LPIN1: variants seen among roughly 807,000 people sequenced by gnomAD.
The protein encoded by LPIN1 is phosphatidate phosphatase LPIN1.
A neutral mutation model predicts 107.5 loss-of-function variants in LPIN1; 71 were observed. That is an observed-to-expected ratio of 0.66 (90% confidence interval 0.55 to 0.80). LPIN1 has a LOEUF of 0.80. LPIN1 is among the 30% of genes least tolerant of loss of function. The probability of loss-of-function intolerance (pLI) is 0.00; values close to 1 mark genes in which losing one functional copy is unlikely to be tolerated. For missense variants in LPIN1, 1,043 were observed against 1,160.6 expected (o/e 0.90, Z 1.47); for synonymous variants, 445 against 452.6 (o/e 0.98, Z 0.21).
At chr2:11,753,203 G>A (rs1332558560) in intron 1 of LPIN1, among the ~76,000 whole-genome samples, 1 of 100,746 alleles carries the variant, frequency 9.9e-6, no homozygotes, top group African/African-American at 5.0e-5. Context: ...CCTAACACAG[G>A]CAGGGCTTTG....
At chr2:11,804,332 G>A (rs917971525) in intron 15 of LPIN1, 91 bp from the exon 16 acceptor site, 30 of 1,435,192 alleles carry the variant, frequency 2.1e-5, no homozygotes, top group Middle Eastern at 3.5e-4. Flanking sequence ...TTTTAAAGCC[G>A]AATCCTGCTT....
chr2:11,805,139 G>A lies in LPIN1; in HGVS notation c.2232G>A (p.Leu744=). ...GGACCCATCAGGGCATCGCTAAGCT[G>A]TACCATAAAGTGAGCCAGTGAGTAC... The part of the protein sequence containing the change: ...KDWTHQGIAK[L]YHKVSQNGYK... Residue 744 remains leucine (L), a synonymous_variant, in exon 17 of 21, where the codon CTG becomes CTA. Transcript: ENST00000674199. 1.2e-6 allele frequency: 2 copies of A among 1,613,894 alleles called. No homozygotes were observed. Among genetic ancestry groups the A allele is most frequent in the Non-Finnish European group, 1.7e-6 (2 of 1,179,770 alleles).
chr2:11,696,046 C>CTTTTTTTTTT (rs531347349), intron 1 of LPIN1, among the ~76,000 whole-genome samples: 1 of 126,088 alleles, frequency 7.9e-6, no homozygotes, highest in Admixed American at 7.9e-5. Flanking sequence ...GCTGACTCTC[C>CTTTTTTTTTT]TTTTTTTTTT....
At chr2:11,811,223 T>A (rs1467444873) in intron 17 of LPIN1, among the ~76,000 whole-genome samples, 1 of 152,182 alleles carries the variant, frequency 6.6e-6, no homozygotes, top group Non-Finnish European at 1.5e-5. Context: ...GAAGGGACCG[T>A]GGAAGGAGCC....
At chr2:11,686,450 C>T (rs967610780) in intron 1 of LPIN1, among the ~76,000 whole-genome samples, 2 of 152,086 alleles carry the variant, frequency 1.3e-5, no homozygotes, top group African/African-American at 2.4e-5. Flanking sequence ...CTGGGTTGGA[C>T]GGACTCCGGG....
At chr2:11,684,822 A>G (rs1353190470) in intron 1 of LPIN1, among the ~76,000 whole-genome samples, 2 of 152,036 alleles carry the variant, frequency 1.3e-5, no homozygotes, top group Non-Finnish European at 2.9e-5. Context: ...TGCTCCCTGA[A>G]ATGAAAATTG....
intron 9 of LPIN1, chr2:11,784,373 C>T: frequency 1.8e-6 from 2 of 1,120,504 alleles, no homozygotes; most frequent in Non-Finnish European, 2.2e-6. Context: ...TGAAATGCGC[C>T]TGCTCTATGG....
At chr2:11,798,709 G>A (rs182067093) in intron 14 of LPIN1, among the ~76,000 whole-genome samples, 413 of 151,504 alleles carry the variant, frequency 2.7e-3, no homozygotes, top group Non-Finnish European at 4.2e-3. Context: ...CTTGAAAAAT[G>A]TAAACCTTTT....
intron 1 of LPIN1, chr2:11,677,795 C>A: frequency 1.5e-6 from 2 of 1,341,366 alleles, no homozygotes; most frequent in Non-Finnish European, 2.1e-6. Flanking sequence ...TCCCCAGGTG[C>A]CCGCGTACTG....
At chr2:11,755,214 G>T (rs374260707) in intron 1 of LPIN1, among the ~76,000 whole-genome samples, 1 of 152,014 alleles carries the variant, frequency 6.6e-6, no homozygotes, top group Admixed American at 6.6e-5. Context: ...TGATCCGCCC[G>T]CCTCAGCCTC....
chr2:11,771,058 TC>T lies in LPIN1; in HGVS notation c.289-313del, dbSNP rs1671764067. Among the ~76,000 whole-genome samples the T allele has an allele frequency of 6.6e-6, 1 of 152,232 alleles. No homozygotes were observed. Among genetic ancestry groups the T allele is most frequent in the African/African-American group, 2.4e-5 (1 of 41,462 alleles). On this transcript the variant is annotated intron_variant, in intron 3 of 20. Transcript: ENST00000674199. The surrounding 1 kb of genome is among the most constrained non-coding windows in gnomAD (Gnocchi z 4.8). ...CAAAGCCCATTTTTTTCCTCTGTGC[TC>T]TGGGTATTACAGCCAAAGTTGAATT...
chr2:11,769,135 G>A (rs1336269884), intron 3 of LPIN1, among the ~76,000 whole-genome samples: 1 of 152,214 alleles, frequency 6.6e-6, no homozygotes, highest in Admixed American at 6.5e-5. Flanking sequence ...TAACATTTGA[G>A]GAACTGCCAG....
intron 12 of LPIN1, among the ~76,000 whole-genome samples, chr2:11,789,267 T>TTG (rs143296871): frequency 0.01 from 1,575 of 151,590 alleles, 68 homozygotes; most frequent in Admixed American, 0.076. Flanking sequence ...CTTCCTGGGT[T>TTG]TGTGTGTGTG....
chr2:11,764,902 G>A (rs1451471514), intron 1 of LPIN1, among the ~76,000 whole-genome samples: 1 of 152,230 alleles, frequency 6.6e-6, no homozygotes, highest in South Asian at 2.1e-4. Flanking sequence ...TCATGGGACT[G>A]CAGAGGAGAC....
intron 20 of LPIN1, among the ~76,000 whole-genome samples, chr2:11,821,406 A>G (rs1046015450): frequency 2.0e-5 from 3 of 152,140 alleles, no homozygotes; most frequent in Non-Finnish European, 2.9e-5. Flanking sequence ...AATCCCAGCT[A>G]CTCAGGAGGC....
At chr2:11,685,836 CCT>C (rs1205411180) in intron 1 of LPIN1, among the ~76,000 whole-genome samples, 2 of 152,122 alleles carry the variant, frequency 1.3e-5, no homozygotes, top group Admixed American at 1.3e-4. Context: ...CAGAGATTTC[CCT>C]CTGTTTCTCT....
At chr2:11,708,496 G>A (rs902158742) in intron 1 of LPIN1, among the ~76,000 whole-genome samples, 11 of 152,190 alleles carry the variant, frequency 7.2e-5, no homozygotes, top group African/African-American at 2.4e-4. Context: ...GCTGAGGCAA[G>A]GGGGCAGGCA....
chr2:11,711,716 C>T (rs150452670), intron 1 of LPIN1, among the ~76,000 whole-genome samples: 1 of 152,158 alleles, frequency 6.6e-6, no homozygotes, highest in African/African-American at 2.4e-5. Context: ...TCCTCTTTGT[C>T]CCACTGTCAT....
intron 1 of LPIN1, among the ~76,000 whole-genome samples, chr2:11,679,441 G>GA (rs1324267460): frequency 6.6e-6 from 1 of 152,210 alleles, no homozygotes. Flanking sequence ...GTTCATTGTA[G>GA]AATATGTAGC....
Sources: gnomAD v4.1 joint callset for allele counts (sites outside exome capture counted in the v4.1 genomes callset) on GRCh38, gnomAD v4.1.1 for gene constraint, Gnocchi (gnomAD v3.1) non-coding constraint, MANE v1.5 for transcripts, NCBI Gene and HGNC (gene_info 2026-07-23, HGNC 2026-07-21) for gene names.